The following DPY19L1 variants were observed in gnomAD, a reference collection of about 807,000 sequenced individuals.
DPY19L1 encodes dpy-19 like C-mannosyltransferase 1.
Under a neutral mutation model 96.9 loss-of-function variants are expected in DPY19L1, and 35 were observed. That is an observed-to-expected ratio of 0.36 (90% CI 0.28 to 0.48). The LOEUF is 0.48. Ranked by LOEUF, DPY19L1 falls within the 20% of genes least tolerant of loss-of-function variation. DPY19L1 has a pLI of 0.99. For missense variants in DPY19L1, 521 were observed against 777.9 expected (o/e 0.67, Z 3.93); for synonymous variants, 205 against 252.6 (o/e 0.81, Z 1.79).
chr7:35,001,287 C>T (rs1417302310), intron 6 of DPY19L1, among the ~76,000 whole-genome samples: 1 of 152,316 alleles, frequency 6.6e-6, no homozygotes, highest in African/African-American at 2.4e-5. Flanking sequence ...GCTAGTAAAG[C>T]TTATGTGATA....
intron 6 of DPY19L1, among the ~76,000 whole-genome samples, chr7:35,003,225 A>G (rs1308622911): frequency 6.6e-6 from 1 of 152,212 alleles, no homozygotes; most frequent in Non-Finnish European, 1.5e-5. Flanking sequence ...GAGGTCTACC[A>G]AAGAGGGAAA....
At position 34,931,612 on chromosome 7, in the gene DPY19L1, C is replaced by A; in HGVS notation, c.2208G>T (p.Gln736His). The change falls in exon 22 of 22, where the codon CAG (glutamine) becomes CAT (histidine). Residue 736 changes from glutamine to histidine, a missense_variant. Transcript: ENST00000638088. ...DSKPHFTTVF[Q>H]NSVYKVLEVV... ...CTTCTAGGACTTTGTAAACACTGTT[C>A]TGGAATACAGTGGTGAAGTGAGGTT... The A allele has an allele frequency of 5.1e-6, 8 of 1,566,374 alleles. No individual in the cohort carries two copies. The highest frequency in any genetic ancestry group is 6.9e-6 in the Non-Finnish European group (8 of 1,160,512).
rs543661576 is a variant in DPY19L1, at chr7:35,033,053, T to G, written c.298+4044A>C. Among the ~76,000 whole-genome samples the G allele has an allele frequency of 4.2e-4, 64 of 152,270 alleles. No individual in the cohort carries two copies. In the South Asian group the frequency reaches 8.9e-3, roughly 21 times the overall value. Reference sequence around the variant, plus strand: ...TAAAAATTTAATCATGTCACTCTCCTCCTGTTGAGCATTCCTCAATGGCTT... The same window carrying G: ...TAAAAATTTAATCATGTCACTCTCCGCCTGTTGAGCATTCCTCAATGGCTT... On this transcript the variant is annotated intron_variant, in intron 1 of 21. Transcript: ENST00000638088.
intron 6 of DPY19L1, among the ~76,000 whole-genome samples, chr7:35,008,474 T>C (rs542590894): frequency 5.9e-5 from 9 of 152,182 alleles, no homozygotes; most frequent in Non-Finnish European, 1.2e-4. Context: ...AAAAAACAGT[T>C]ATAACAAGCA....
At chr7:34,967,208 A>G (rs1784630138) in intron 9 of DPY19L1, among the ~76,000 whole-genome samples, 1 of 152,178 alleles carries the variant, frequency 6.6e-6, no homozygotes, top group South Asian at 2.1e-4. Flanking sequence ...CTACTTTGTC[A>G]ACTGTCCAAA....
intron 8 of DPY19L1, among the ~76,000 whole-genome samples, chr7:34,973,031 C>T (rs193210809): frequency 6.7e-4 from 102 of 152,126 alleles, no homozygotes; most frequent in African/African-American, 2.3e-3. Flanking sequence ...ATGCTTTGTT[C>T]CATTTTTCCA....
At chr7:34,942,880 G>A (rs1308928960) in intron 16 of DPY19L1, among the ~76,000 whole-genome samples, 2 of 152,132 alleles carry the variant, frequency 1.3e-5, no homozygotes, top group Non-Finnish European at 2.9e-5. Flanking sequence ...GTATTTATTA[G>A]GACAACAAAG....
chr7:34,965,984 G>T (rs1231184531), intron 10 of DPY19L1, among the ~76,000 whole-genome samples: 7 of 151,614 alleles, frequency 4.6e-5, no homozygotes, highest in Admixed American at 6.6e-5. Context: ...CCTGATCTTG[G>T]TGCTCCTGAT....
At chr7:34,991,056 C>T (rs1785156658) in intron 6 of DPY19L1, among the ~76,000 whole-genome samples, 1 of 152,202 alleles carries the variant, frequency 6.6e-6, no homozygotes, top group South Asian at 2.1e-4. Context: ...GCCTGTTTGC[C>T]TTGGCAAAAG....
At chr7:35,037,520 C>T, upstream of DPY19L1, 1 of 314,404 alleles carries the variant, frequency 3.2e-6, no homozygotes, top group Non-Finnish European at 5.8e-6. Context: ...AGGGCGGGCT[C>T]GTCCCTCCCC....
intron 11 of DPY19L1, 49 bp downstream of exon 11, chr7:34,957,935 T>C: frequency 1.6e-6 from 2 of 1,276,498 alleles, no homozygotes; most frequent in Middle Eastern, 1.9e-4. Context: ...AAAAAATTGT[T>C]AAACCATTAG....
At chr7:34,992,543 CTTT>C (rs34687334) in intron 6 of DPY19L1, among the ~76,000 whole-genome samples, 33,522 of 133,592 alleles carry the variant, frequency 0.25, 4,423 homozygotes, top group Admixed American at 0.39. Context: ...ACCTTCCTGC[CTTT>C]TTTTTTTTTT....
intron 7 of DPY19L1, chr7:34,988,198 C>A (rs181986151): frequency 6.6e-6 from 1 of 152,088 alleles, no homozygotes; most frequent in African/African-American, 2.4e-5. Context: ...GAGGGTAGCA[C>A]GATAGACCTT....
At chr7:34,992,256 T>C (rs1168803833) in intron 6 of DPY19L1, among the ~76,000 whole-genome samples, 1 of 152,246 alleles carries the variant, frequency 6.6e-6, no homozygotes, top group East Asian at 1.9e-4. Flanking sequence ...AACATGCATT[T>C]TCTCTTCCGT....
chr7:34,934,357 G>A (rs1176797772), intron 21 of DPY19L1, among the ~76,000 whole-genome samples: 2 of 152,140 alleles, frequency 1.3e-5, no homozygotes, highest in Middle Eastern at 3.2e-3. Flanking sequence ...ACTGTATACT[G>A]AACAATAAAA....
chr7:34,988,976 G>A (rs1037486828), intron 7 of DPY19L1, among the ~76,000 whole-genome samples: 1 of 152,056 alleles, frequency 6.6e-6, no homozygotes, highest in Non-Finnish European at 1.5e-5. Context: ...CTATGAGGTG[G>A]GTAACATCAT....
chr7:35,020,619 G>C (rs1346662354), intron 1 of DPY19L1, among the ~76,000 whole-genome samples: 1 of 152,112 alleles, frequency 6.6e-6, no homozygotes, highest in Non-Finnish European at 1.5e-5. Flanking sequence ...TTTTTGAAGA[G>C]TATTTATTTT....
chr7:34,993,048 A>C (rs1228901114), intron 6 of DPY19L1, among the ~76,000 whole-genome samples: 1 of 152,194 alleles, frequency 6.6e-6, no homozygotes, highest in African/African-American at 2.4e-5. Flanking sequence ...CGCTATTTAG[A>C]TTCTGATCCT....
At chr7:35,023,853 T>TTTTTTTG (rs1786057193) in intron 1 of DPY19L1, among the ~76,000 whole-genome samples, 1 of 148,610 alleles carries the variant, frequency 6.7e-6, no homozygotes, top group African/African-American at 2.5e-5. Flanking sequence ...TTTTTTTTTT[T>TTTTTTTG]GAGACAGGGT....
Sources: allele counts gnomAD v4.1 joint callset (sites outside exome capture counted in the v4.1 genomes callset), GRCh38; gene constraint gnomAD v4.1.1; transcripts MANE v1.5; gene names NCBI Gene and HGNC (gene_info 2026-07-23, HGNC 2026-07-21).